The following COG5 variants were observed in gnomAD, a reference collection of about 807,000 sequenced individuals.
The protein encoded by COG5 is component of oligomeric golgi complex 5.
A neutral mutation model predicts 110.4 loss-of-function variants in COG5; 86 were observed. The observed-to-expected ratio is 0.78, with a 90% CI of 0.65 to 0.93. The LOEUF (loss-of-function observed/expected upper bound fraction) is 0.93, where lower values mean the gene tolerates loss of function less well. Among genes scored for constraint, COG5 ranks in the 40% least tolerant of loss-of-function variants. COG5 has a pLI of 0.00. For synonymous variants in COG5, 360 were observed against 334.6 expected (o/e 1.08, Z -0.83); for missense variants, 1,077 against 987.0 (o/e 1.09, Z -1.22).
chr7:107,260,396 T>C (rs924170306), intron 14 of COG5, among the ~76,000 whole-genome samples: 2 of 152,162 alleles, frequency 1.3e-5, no homozygotes, highest in South Asian at 4.2e-4. Context: ...AAAAGTTGAT[T>C]GGAAATTGCA....
In COG5 at chr7:107,535,091, G is replaced by A. The variant is rs562393879; in HGVS notation, c.418-7734C>T. Among the ~76,000 whole-genome samples the A allele has an allele frequency of 4.0e-5, 6 of 151,538 alleles. No individual in the cohort carries two copies. The South Asian group carries it at 8.3e-4, about 21-fold the overall frequency. ...ACTACTGGGCAAATAACAAAATTAA[G>A]GCAGAAATAAATCAGTTCTTTGAAA... On this transcript the variant is annotated intron_variant, in intron 5 of 21. Coordinates refer to ENST00000297135, the MANE Select transcript of COG5 (RefSeq NM_006348.5).
intron 6 of COG5, among the ~76,000 whole-genome samples, chr7:107,449,306 G>C (rs77056542): frequency 0.13 from 19,362 of 152,088 alleles, 1,515 homozygotes; most frequent in Non-Finnish European, 0.17. Context: ...TTCTCCACAT[G>C]TATCCAAACC....
At chr7:107,301,265 T>C (rs1292835668) in intron 11 of COG5, among the ~76,000 whole-genome samples, 1 of 151,982 alleles carries the variant, frequency 6.6e-6, no homozygotes, top group South Asian at 2.1e-4. Flanking sequence ...CTGGACAACA[T>C]CTAAATTAAA....
chr7:107,390,593 A>T (rs1447721899), intron 7 of COG5, among the ~76,000 whole-genome samples: 1 of 151,690 alleles, frequency 6.6e-6, no homozygotes. Context: ...CTTAAAACTA[A>T]AATTTTAGAA....
intron 12 of COG5, among the ~76,000 whole-genome samples, chr7:107,286,786 CT>C (rs1318933791): frequency 2.6e-5 from 4 of 152,108 alleles, no homozygotes; most frequent in Non-Finnish European, 4.4e-5. Context: ...GGTAACCTCA[CT>C]CCTTTTTTTA....
chr7:107,351,403 G>A (rs1812122507), intron 10 of COG5, among the ~76,000 whole-genome samples: 1 of 152,156 alleles, frequency 6.6e-6, no homozygotes, highest in Non-Finnish European at 1.5e-5. Flanking sequence ...GCATGGGCAA[G>A]GACTTCATGT....
chr7:107,203,490 TG>T lies in COG5; in HGVS notation c.*25del. 1.3e-6 allele frequency: 2 copies of T among 1,498,036 alleles called. No individual in the cohort carries two copies. Among genetic ancestry groups the T allele is most frequent in the Non-Finnish European group, 1.9e-6 (2 of 1,074,276 alleles). 92.8% of individuals were successfully genotyped at this position (1,498,036 alleles called of 1,614,324 possible). A position where few individuals can be genotyped will look rare whatever the true frequency, so the allele number is the denominator to read the frequency against. ...CAACTATGAATGGGTTAGCACAAAG[TG>T]GAGATGAACAAAGATTTCATGTCAT... On this transcript the variant is annotated 3_prime_UTR_variant, in exon 22 of 22. Coordinates refer to ENST00000297135, the MANE Select transcript of COG5 (RefSeq NM_006348.5).
At chr7:107,552,117 A>T (rs1802940080) in intron 3 of COG5, among the ~76,000 whole-genome samples, 1 of 152,234 alleles carries the variant, frequency 6.6e-6, no homozygotes, top group African/African-American at 2.4e-5. Flanking sequence ...ACACATATTT[A>T]AAAACCACAA....
chr7:107,382,745 C>G (rs1815237744), intron 7 of COG5, among the ~76,000 whole-genome samples: 1 of 152,150 alleles, frequency 6.6e-6, no homozygotes, highest in South Asian at 2.1e-4. Context: ...AGCCTAAAGT[C>G]TATTTTTCAA....
chr7:107,551,575 C>T lies in COG5; in HGVS notation c.292+2710G>A, dbSNP rs552729777. Among the ~76,000 whole-genome samples the T allele has an allele frequency of 5.9e-5, 9 of 152,206 alleles. No individual in the cohort carries two copies. In the South Asian group the frequency reaches 1.9e-3, roughly 32 times the overall value. ...ATCTCAAAATAACATCTAGACACAT[C>T]ATGCTAAAATGAATGCTAACCAATT... On this transcript the variant is annotated intron_variant, in intron 3 of 21. Transcript: ENST00000297135.
intron 16 of COG5, among the ~76,000 whole-genome samples, chr7:107,249,120 C>A (rs1301661318): frequency 2.0e-5 from 3 of 152,090 alleles, no homozygotes; most frequent in African/African-American, 7.2e-5. Context: ...GGCTCCAGAA[C>A]AATGTTTCTA....
intron 10 of COG5, among the ~76,000 whole-genome samples, chr7:107,356,527 C>A (rs928904541): frequency 2.6e-5 from 4 of 151,938 alleles, no homozygotes; most frequent in Non-Finnish European, 5.9e-5. Flanking sequence ...CAGTGAGACC[C>A]TGACTCATAA....
chr7:107,485,817 A>C (rs140215305), intron 6 of COG5, among the ~76,000 whole-genome samples: 1 of 152,186 alleles, frequency 6.6e-6, no homozygotes, highest in Non-Finnish European at 1.5e-5. Context: ...CAATGTCACA[A>C]AGCAAAATAT....
At chr7:107,270,258 CTTTT>C (rs10611550) in intron 14 of COG5, among the ~76,000 whole-genome samples, 23,629 of 138,240 alleles carry the variant, frequency 0.17, 2,199 homozygotes, top group Non-Finnish European at 0.23. Context: ...CTCACACGTG[CTTTT>C]TTTTTTTTTT....
chr7:107,446,391 G>A (rs1183503209), intron 6 of COG5, among the ~76,000 whole-genome samples: 2 of 152,102 alleles, frequency 1.3e-5, no homozygotes, highest in Non-Finnish European at 2.9e-5. Flanking sequence ...AGGTAATACG[G>A]AACTGACAGT....
At chr7:107,289,665 T>C (rs1440027064) in intron 12 of COG5, among the ~76,000 whole-genome samples, 1 of 152,198 alleles carries the variant, frequency 6.6e-6, no homozygotes, top group Non-Finnish European at 1.5e-5. Flanking sequence ...TATTTAGATA[T>C]TTCTTTGAAC....
intron 6 of COG5, among the ~76,000 whole-genome samples, chr7:107,508,548 G>C (rs1009940086): frequency 6.6e-6 from 1 of 152,214 alleles, no homozygotes; most frequent in Non-Finnish European, 1.5e-5. Context: ...CTTCCACTAC[G>C]CAGCTGGAGA....
chr7:107,347,430 T>C (rs532328444), intron 10 of COG5, among the ~76,000 whole-genome samples: 70 of 152,298 alleles, frequency 4.6e-4, no homozygotes, highest in African/African-American at 1.5e-3. Flanking sequence ...CATTCATAGA[T>C]TATTTTGATT....
intron 2 of COG5, among the ~76,000 whole-genome samples, chr7:107,555,922 A>G (rs370021085): frequency 6.6e-6 from 1 of 152,008 alleles, no homozygotes; most frequent in African/African-American, 2.4e-5. Context: ...GCTGAGGCAC[A>G]AGAATCATTT....
Sources: gnomAD v4.1 joint callset for allele counts (sites outside exome capture counted in the v4.1 genomes callset) on GRCh38, gnomAD v4.1.1 for gene constraint, MANE v1.5 for transcripts, NCBI Gene and HGNC (gene_info 2026-07-23, HGNC 2026-07-21) for gene names.